Variants in NBAS observed in about 807,000 individuals in gnomAD.
The protein encoded by NBAS is NBAS subunit of NRZ tethering complex.
In NBAS, 219 loss-of-function variants were observed where a neutral mutation model predicts 302.5. The ratio of observed to expected loss-of-function variants is 0.72; its 90% CI spans 0.65 to 0.81. NBAS has a LOEUF of 0.81. Ranked by LOEUF, NBAS falls within the 30% of genes least tolerant of loss-of-function variation. The pLI, the probability that NBAS is intolerant of heterozygous loss-of-function variation, is 0.00. For synonymous variants in NBAS, 1,118 were observed against 1,021.6 expected (o/e 1.09, Z -1.80); for missense variants, 2,932 against 2,841.6 (o/e 1.03, Z -0.72).
chr2:15,123,415 T>A, the NBAS span, among the ~76,000 whole-genome samples: 1 of 152,082 alleles, frequency 6.6e-6, no homozygotes, highest in Admixed American at 6.5e-5. Context: ...ATAGTTTGGA[T>A]GTTTGTTCAC....
the NBAS span, among the ~76,000 whole-genome samples, chr2:14,834,508 A>T: frequency 6.6e-6 from 1 of 152,152 alleles, no homozygotes; most frequent in Non-Finnish European, 1.5e-5. Flanking sequence ...ATTATTGAAT[A>T]CCTACTCTAT....
chr2:15,279,099 T>A (rs982128916), intron 42 of NBAS, among the ~76,000 whole-genome samples: 1 of 151,980 alleles, frequency 6.6e-6, no homozygotes, highest in East Asian at 1.9e-4. Context: ...CTAAAAACAA[T>A]GTAGTAAGGA....
chr2:15,090,567 T>G, the NBAS span, among the ~76,000 whole-genome samples: 4 of 152,140 alleles, frequency 2.6e-5, no homozygotes, highest in African/African-American at 4.8e-5. Context: ...ATCTCTGAAA[T>G]TACACTCCAA....
At chr2:15,421,103 G>A (rs1396164060) in intron 23 of NBAS, among the ~76,000 whole-genome samples, 1 of 151,920 alleles carries the variant, frequency 6.6e-6, no homozygotes, top group Non-Finnish European at 1.5e-5. Context: ...GTTCAAGTCC[G>A]AAAGAATACA....
the NBAS span, among the ~76,000 whole-genome samples, chr2:15,072,489 A>AT: frequency 3.6e-3 from 544 of 151,874 alleles, 5 homozygotes; most frequent in African/African-American, 0.013. Context: ...AGTATTGAAG[A>AT]TTTTTAAAAA....
intron 7 of NBAS, chr2:15,538,426 C>A (rs1482207753): frequency 8.1e-6 from 3 of 369,754 alleles, no homozygotes; most frequent in Non-Finnish European, 1.6e-5. Context: ...TAGCTTCTCA[C>A]TAGAATCAGC....
intron 12 of NBAS, among the ~76,000 whole-genome samples, chr2:15,487,625 CCTCAGTCAG>C (rs1680687058): frequency 1.3e-5 from 2 of 152,238 alleles, no homozygotes; most frequent in African/African-American, 4.8e-5. Context: ...ACACTCCCAT[CCTCAGTCAG>C]CTCTTGAACA....
intron 40 of NBAS, among the ~76,000 whole-genome samples, chr2:15,299,845 T>C (rs1670715743): frequency 6.6e-6 from 1 of 152,350 alleles, no homozygotes; most frequent in Admixed American, 6.5e-5. Flanking sequence ...CCATCAACTA[T>C]CTCTGGATGG....
chr2:15,415,839 C>T, intron 24 of NBAS, 120 bp from the exon 25 acceptor site: 1 of 1,037,672 alleles, frequency 9.6e-7, no homozygotes, highest in East Asian at 2.5e-5. Context: ...ACAGTGCAAA[C>T]CCAACACTCT....
chr2:14,940,806 A>G, the NBAS span, among the ~76,000 whole-genome samples: 4 of 152,234 alleles, frequency 2.6e-5, no homozygotes, highest in Non-Finnish European at 5.9e-5. Flanking sequence ...AGAATCCAGG[A>G]AAGACCAGAA....
At chr2:14,804,863 G>A in the NBAS span, among the ~76,000 whole-genome samples, 1 of 152,126 alleles carries the variant, frequency 6.6e-6, no homozygotes, top group African/African-American at 2.4e-5. Context: ...AATAAGAACA[G>A]GCCTAAAAGA....
intron 50 of NBAS, among the ~76,000 whole-genome samples, chr2:15,181,524 G>C (rs1664819761): frequency 6.6e-6 from 1 of 152,198 alleles, no homozygotes; most frequent in Non-Finnish European, 1.5e-5. Context: ...GGGATTTGGG[G>C]AACTGCAAGA....
chr2:15,088,112 G>A, the NBAS span, among the ~76,000 whole-genome samples: 1,413 of 152,306 alleles, frequency 9.3e-3, 24 homozygotes, highest in African/African-American at 0.032. Context: ...GAGAAGGAGA[G>A]GCTGGGTGGG....
At chr2:15,098,607 T>C in the NBAS span, among the ~76,000 whole-genome samples, 1 of 111,328 alleles carries the variant, frequency 9.0e-6, no homozygotes, top group African/African-American at 3.9e-5. Flanking sequence ...TTATATATTG[T>C]ATATAATGTA....
chr2:14,808,090 G>T, the NBAS span, among the ~76,000 whole-genome samples: 1 of 152,108 alleles, frequency 6.6e-6, no homozygotes, highest in East Asian at 1.9e-4. Flanking sequence ...CAAAAAGAAT[G>T]AATTACTTTT....
intron 21 of NBAS, among the ~76,000 whole-genome samples, chr2:15,444,641 A>C (rs1678624622): frequency 6.6e-6 from 1 of 152,218 alleles, no homozygotes; most frequent in South Asian, 2.1e-4. Flanking sequence ...AACAAAAGCC[A>C]AAATTGACAA....
chr2:15,529,963 T>TA lies in NBAS; in HGVS notation c.746+4579dup, dbSNP rs574136747. On this transcript the variant is annotated intron_variant, in intron 9 of 51. Coordinates refer to ENST00000281513, the MANE Select transcript of NBAS (RefSeq NM_015909.4). ...GCATATATGATTACATTCAATATTA[T>TA]AAAATGTAAAGACCTCTAACTTCAC... 1.1e-4 allele frequency among the ~76,000 whole-genome samples: 17 copies of TA among 152,342 alleles called. No homozygotes were observed. In the South Asian group the frequency reaches 3.5e-3, roughly 32 times the overall value.
chr2:15,362,764 G>A (rs1444987468), intron 32 of NBAS, among the ~76,000 whole-genome samples: 1 of 152,092 alleles, frequency 6.6e-6, no homozygotes, highest in Non-Finnish European at 1.5e-5. Context: ...AACCTAGCTA[G>A]GCTACAAGCT....
At chr2:15,541,811 T>A (rs1351491956) in intron 6 of NBAS, among the ~76,000 whole-genome samples, 3 of 19,896 alleles carry the variant, frequency 1.5e-4, no homozygotes, top group African/African-American at 6.0e-4. Context: ...GGTGGGGGGG[T>A]TCAGCCCCCC....
Sources: allele counts gnomAD v4.1 joint callset (sites outside exome capture counted in the v4.1 genomes callset), GRCh38; gene constraint gnomAD v4.1.1; transcripts MANE v1.5; gene names NCBI Gene and HGNC (gene_info 2026-07-23, HGNC 2026-07-21).